MDGA2: variants seen among roughly 807,000 people sequenced by gnomAD.
MDGA2 encodes the protein MAM domain containing glycosylphosphatidylinositol anchor 2.
MDGA2 carries 40 observed loss-of-function variants against 117.8 expected under a neutral mutation model. The ratio of observed to expected loss-of-function variants is 0.34; its 90% CI spans 0.26 to 0.44. The LOEUF is 0.44. Ranked by LOEUF, MDGA2 falls within the 20% of genes least tolerant of loss-of-function variation. MDGA2 has a pLI of 1.00. For missense variants in MDGA2, 1,123 were observed against 1,250.6 expected (o/e 0.90, Z 1.54); for synonymous variants, 452 against 439.0 (o/e 1.03, Z -0.37).
intron 1 of MDGA2, among the ~76,000 whole-genome samples, chr14:47,594,046 T>C (rs1896491663): frequency 1.3e-5 from 2 of 152,174 alleles, no homozygotes; most frequent in African/African-American, 4.8e-5. Flanking sequence ...GCTAGGACTT[T>C]TCAGGATAAA....
chr14:47,368,638 T>C (rs1380771992), intron 1 of MDGA2, among the ~76,000 whole-genome samples: 1 of 152,220 alleles, frequency 6.6e-6, no homozygotes, highest in Non-Finnish European at 1.5e-5. Context: ...CCATTTATTG[T>C]ATCTAATTTT....
At chr14:47,140,519 A>C (rs536641675) in intron 4 of MDGA2, among the ~76,000 whole-genome samples, 1 of 152,254 alleles carries the variant, frequency 6.6e-6, no homozygotes, top group African/African-American at 2.4e-5. Context: ...GCACATAACC[A>C]AATCAACACA....
intron 1 of MDGA2, chr14:47,343,029 A>T: frequency 7.9e-7 from 1 of 1,268,308 alleles, no homozygotes; most frequent in South Asian, 1.2e-5. Flanking sequence ...GAGTGGGAGA[A>T]GCAGGCAGCA....
At chr14:47,240,795 G>C (rs1034528795) in intron 2 of MDGA2, among the ~76,000 whole-genome samples, 3 of 151,848 alleles carry the variant, frequency 2.0e-5, no homozygotes, top group African/African-American at 4.8e-5. Context: ...GCCCTCTCCT[G>C]ATCTCCCAAT....
intron 3 of MDGA2, among the ~76,000 whole-genome samples, chr14:47,150,361 G>C (rs1374864479): frequency 6.6e-6 from 1 of 152,190 alleles, no homozygotes; most frequent in Non-Finnish European, 1.5e-5. Context: ...GACTGCAGAA[G>C]ATAAGAATCT....
chr14:47,078,070 T>C (rs904637645), intron 6 of MDGA2, among the ~76,000 whole-genome samples: 3 of 152,190 alleles, frequency 2.0e-5, no homozygotes, highest in East Asian at 3.9e-4. Context: ...TATAATATGA[T>C]AGGATATGTC....
At chr14:47,180,572 A>T (rs1884660086) in intron 3 of MDGA2, among the ~76,000 whole-genome samples, 1 of 152,182 alleles carries the variant, frequency 6.6e-6, no homozygotes, top group African/African-American at 2.4e-5. Flanking sequence ...AGCACACGAA[A>T]AAAAGCTCAA....
chr14:47,339,524 G>C (rs1031735648), intron 1 of MDGA2, among the ~76,000 whole-genome samples: 1 of 151,960 alleles, frequency 6.6e-6, no homozygotes, highest in Non-Finnish European at 1.5e-5. Flanking sequence ...TGGATGTAAT[G>C]AGTGAGTTCT....
intron 1 of MDGA2, among the ~76,000 whole-genome samples, chr14:47,520,902 G>T (rs17118850): frequency 0.045 from 6,836 of 152,216 alleles, 520 homozygotes; most frequent in African/African-American, 0.16. Flanking sequence ...GTGTCATTCA[G>T]AATTAAGGAA....
intron 10 of MDGA2, among the ~76,000 whole-genome samples, chr14:46,902,139 G>A (rs1001354398): frequency 5.9e-5 from 9 of 152,106 alleles, no homozygotes; most frequent in South Asian, 2.1e-4. Context: ...TGTAGAATAA[G>A]TGTAATGTCT....
chr14:47,310,062 T>A (rs1449210608), intron 1 of MDGA2, among the ~76,000 whole-genome samples: 1 of 152,082 alleles, frequency 6.6e-6, no homozygotes, highest in African/African-American at 2.4e-5. Flanking sequence ...ACAACAAGTG[T>A]CCTATTTTTT....
chr14:46,930,515 T>G (rs1884529110), intron 9 of MDGA2, among the ~76,000 whole-genome samples: 1 of 152,180 alleles, frequency 6.6e-6, no homozygotes, highest in African/African-American at 2.4e-5. Context: ...AGAAGAAAAC[T>G]TCAGCTAAAA....
intron 1 of MDGA2, among the ~76,000 whole-genome samples, chr14:47,450,599 T>C (rs1893221213): frequency 6.6e-6 from 1 of 152,216 alleles, no homozygotes; most frequent in South Asian, 2.1e-4. Flanking sequence ...TGAACTATTC[T>C]TATTGCATCT....
At chr14:47,462,079 G>A (rs553865767) in intron 1 of MDGA2, among the ~76,000 whole-genome samples, 3 of 152,156 alleles carry the variant, frequency 2.0e-5, no homozygotes, top group African/African-American at 4.8e-5. Context: ...AATTGCTTTC[G>A]TACCTTTAAA....
intron 2 of MDGA2, among the ~76,000 whole-genome samples, chr14:47,252,422 G>T (rs1269928309): frequency 1.3e-5 from 2 of 151,626 alleles, no homozygotes; most frequent in East Asian, 3.9e-4. Flanking sequence ...AAGAACAAAA[G>T]AATAATTTAA....
chr14:47,059,264 C>T, intron 7 of MDGA2: 4 of 1,174,954 alleles, frequency 3.4e-6, no homozygotes, highest in Non-Finnish European at 3.4e-6. Flanking sequence ...AAGTCTCAGA[C>T]TTTGTAGAGC....
intron 11 of MDGA2, among the ~76,000 whole-genome samples, chr14:46,879,267 T>C (rs2138381664): frequency 6.6e-6 from 1 of 150,966 alleles, no homozygotes; most frequent in East Asian, 1.9e-4. Context: ...ATCTATAAAT[T>C]AGGAAGAGAG....
chr14:46,858,419 T>A (rs12882264), intron 14 of MDGA2, among the ~76,000 whole-genome samples: 24,062 of 139,924 alleles, frequency 0.17, 2,759 homozygotes, highest in Non-Finnish European at 0.25. Context: ...TTTTTCTTTT[T>A]CTTTTTTTCT....
intron 9 of MDGA2, among the ~76,000 whole-genome samples, chr14:46,949,565 G>A (rs1415466542): frequency 6.6e-6 from 1 of 151,798 alleles, no homozygotes; most frequent in Non-Finnish European, 1.5e-5. Context: ...ATGTCCATGT[G>A]TATCCATTGT....
Sources: allele counts gnomAD v4.1 joint callset (sites outside exome capture counted in the v4.1 genomes callset), GRCh38; gene constraint gnomAD v4.1.1; transcripts MANE v1.5; gene names NCBI Gene and HGNC (gene_info 2026-07-23, HGNC 2026-07-21).